Variants in WWOX observed in about 807,000 individuals in gnomAD.
WWOX encodes the protein WW domain containing oxidoreductase, also known as WW domain-containing oxidoreductase.
Under a neutral mutation model 46.2 loss-of-function variants are expected in WWOX, and 69 were observed. The ratio of observed to expected loss-of-function variants is 1.49; its 90% CI spans 1.23 to 1.82. The LOEUF (loss-of-function observed/expected upper bound fraction) is 1.82, where lower values mean the gene tolerates loss of function less well. Ranked by LOEUF, WWOX falls within the 40% of genes most tolerant of loss-of-function variation. The pLI is 0.00. For missense variants in WWOX, 919 were observed against 542.6 expected, an observed-to-expected ratio of 1.69 and a Z score of -6.89; for synonymous variants, 359 against 202.6, an observed-to-expected ratio of 1.77 and a Z score of -6.56.
chr16:78,289,213 A>T (rs144713216), intron 5 of WWOX, among the ~76,000 whole-genome samples: 1 of 152,160 alleles, frequency 6.6e-6, no homozygotes, highest in African/African-American at 2.4e-5. Flanking sequence ...CTGATGTTCA[A>T]GTTGAATAAA....
intron 8 of WWOX, among the ~76,000 whole-genome samples, chr16:78,991,626 C>G (rs2046889093): frequency 7.2e-6 from 1 of 138,740 alleles, no homozygotes; most frequent in African/African-American, 2.7e-5. Context: ...GCCAGATTCT[C>G]CACCTACCAG....
At chr16:78,783,199 G>GAT (rs1328936191) in intron 8 of WWOX, among the ~76,000 whole-genome samples, 4 of 152,198 alleles carry the variant, frequency 2.6e-5, no homozygotes, top group Admixed American at 1.3e-4. Flanking sequence ...GATAATTGGA[G>GAT]ATACATGCAC....
intron 8 of WWOX, among the ~76,000 whole-genome samples, chr16:79,056,380 C>G (rs1230844184): frequency 6.6e-6 from 1 of 152,154 alleles, no homozygotes; most frequent in Non-Finnish European, 1.5e-5. Flanking sequence ...TACCTTGGAC[C>G]CATGTGCAGA....
intron 8 of WWOX, among the ~76,000 whole-genome samples, chr16:79,157,511 A>T (rs976140640): frequency 1.3e-5 from 2 of 152,194 alleles, no homozygotes; most frequent in Non-Finnish European, 2.9e-5. Flanking sequence ...GTTGAAGTCA[A>T]TCACATCTCT....
At chr16:78,651,398 G>A (rs1468834072) in intron 8 of WWOX, among the ~76,000 whole-genome samples, 1 of 152,202 alleles carries the variant, frequency 6.6e-6, no homozygotes, top group Non-Finnish European at 1.5e-5. Flanking sequence ...AATACAAGCA[G>A]CTATTCAGTG....
At chr16:79,115,622 A>C (rs1040780593) in intron 8 of WWOX, among the ~76,000 whole-genome samples, 1 of 152,344 alleles carries the variant, frequency 6.6e-6, no homozygotes, top group East Asian at 1.9e-4. Flanking sequence ...TAAGTGTGAT[A>C]TGAGAGTATA....
intron 8 of WWOX, among the ~76,000 whole-genome samples, chr16:78,438,862 T>C (rs572869443): frequency 6.6e-6 from 1 of 152,120 alleles, no homozygotes; most frequent in African/African-American, 2.4e-5. Flanking sequence ...TTATAAATTA[T>C]AACTAGAAAA....
At chr16:78,435,703 C>T (rs1265211514) in intron 8 of WWOX, among the ~76,000 whole-genome samples, 1 of 152,138 alleles carries the variant, frequency 6.6e-6, no homozygotes, top group Non-Finnish European at 1.5e-5. Context: ...AAGTGGCAAC[C>T]TGGGACAGTG....
At chr16:78,760,904 C>G (rs1252055565) in intron 8 of WWOX, among the ~76,000 whole-genome samples, 3 of 152,184 alleles carry the variant, frequency 2.0e-5, no homozygotes, top group African/African-American at 4.8e-5. Context: ...AAAGGCGCAT[C>G]TCACGTGGTG....
At chr16:78,845,115 C>CTT (rs55787116) in intron 8 of WWOX, among the ~76,000 whole-genome samples, 3 of 147,552 alleles carry the variant, frequency 2.0e-5, no homozygotes, top group Non-Finnish European at 3.0e-5. Context: ...CATTCATGCA[C>CTT]TTTTTTTATC....
chr16:79,090,237 T>G (rs998027681), intron 8 of WWOX, among the ~76,000 whole-genome samples: 1 of 151,698 alleles, frequency 6.6e-6, no homozygotes, highest in Non-Finnish European at 1.5e-5. Context: ...CGGGTTAAGA[T>G]GCTAGCCTCG....
intron 8 of WWOX, chr16:78,552,458 A>G (rs556506916): frequency 6.6e-6 from 1 of 152,200 alleles, no homozygotes; most frequent in Admixed American, 6.5e-5. Context: ...CATGCTGGAT[A>G]TTTACCGTCA....
chr16:79,090,316 TGTGA>T (rs1401636589), intron 8 of WWOX, among the ~76,000 whole-genome samples: 1 of 146,476 alleles, frequency 6.8e-6, no homozygotes, highest in African/African-American at 2.6e-5. Context: ...TGTGTGTGTG[TGTGA>T]TATAATGTGT....
In WWOX at chr16:78,575,886, G is replaced by C. The variant is rs79641788; in HGVS notation, c.1056+143134G>C. Among the ~76,000 whole-genome samples the C allele has an allele frequency of 1.5e-3, 222 of 151,460 alleles. 1 individual carries two copies. In the East Asian group the frequency reaches 0.022, roughly 15 times the overall value. On this transcript the variant is annotated intron_variant, in intron 8 of 8. Transcript: ENST00000566780. Reference sequence around the variant, plus strand: ...CATGTAAAAAAATCAATTTTCGTAAGGTTACATCTTTTTACCTCTTTATAT... The same window carrying C: ...CATGTAAAAAAATCAATTTTCGTAACGTTACATCTTTTTACCTCTTTATAT...
chr16:79,140,366 G>A (rs759908904), intron 8 of WWOX, among the ~76,000 whole-genome samples: 38 of 152,070 alleles, frequency 2.5e-4, no homozygotes, highest in Non-Finnish European at 4.0e-4. Flanking sequence ...GAATTGAATC[G>A]AACTTCCACC....
chr16:79,013,270 A>C (rs758139305), intron 8 of WWOX, among the ~76,000 whole-genome samples: 1 of 152,116 alleles, frequency 6.6e-6, no homozygotes, highest in Non-Finnish European at 1.5e-5. Context: ...TGCCTTTAAA[A>C]ATAAAATGCA....
chr16:78,452,463 TTCTC>T (rs1197382527), intron 8 of WWOX, among the ~76,000 whole-genome samples: 26 of 150,664 alleles, frequency 1.7e-4, no homozygotes, highest in Middle Eastern at 3.4e-3. Flanking sequence ...AAATACTTTT[TTCTC>T]TCTCTCTCTT....
In WWOX at chr16:78,610,002, C is replaced by A. The variant is rs2045861867; in HGVS notation, c.1056+177250C>A. Among the ~76,000 whole-genome samples, 5 of 148,470 alleles carry A rather than the reference C, an allele frequency of 3.4e-5. No individual in the cohort carries two copies. In the Admixed American group the frequency reaches 3.4e-4, roughly 10 times the overall value. On this transcript the variant is annotated intron_variant, in intron 8 of 8. Transcript: ENST00000566780. Reference sequence around the variant, plus strand: ...TTTAAGTAACAGTGACGCAAACGACCTTTATTTAGCAGAAGGTAGCTCTGC... The same window carrying A: ...TTTAAGTAACAGTGACGCAAACGACATTTATTTAGCAGAAGGTAGCTCTGC...
intron 8 of WWOX, among the ~76,000 whole-genome samples, chr16:78,699,365 C>G (rs1407892237): frequency 1.6e-5 from 2 of 127,486 alleles, no homozygotes; most frequent in Admixed American, 1.5e-4. Flanking sequence ...CGTGTTTCTA[C>G]AAAAAATACA....
Sources: allele counts gnomAD v4.1 joint callset (sites outside exome capture counted in the v4.1 genomes callset), GRCh38; gene constraint gnomAD v4.1.1; transcripts MANE v1.5; gene names NCBI Gene and HGNC (gene_info 2026-07-23, HGNC 2026-07-21).